Variants in FAT3 observed in about 807,000 individuals in gnomAD.
FAT3 encodes protocadherin Fat 3.
Under a neutral mutation model 310.2 loss-of-function variants are expected in FAT3, and 95 were observed. That is an observed-to-expected ratio of 0.31 (90% confidence interval 0.26 to 0.36). The LOEUF (loss-of-function observed/expected upper bound fraction) is 0.36, where lower values mean the gene tolerates loss of function less well. FAT3 is among the 10% of genes least tolerant of loss of function. The pLI is 1.00. For missense variants in FAT3, 5,408 were observed against 5,715.6 expected, an observed-to-expected ratio of 0.95 and a Z score of 1.74; for synonymous variants, 2,314 against 2,192.9, an observed-to-expected ratio of 1.06 and a Z score of -1.54.
At chr11:92,774,465 A>G (rs1311479314) in intron 7 of FAT3, among the ~76,000 whole-genome samples, 8 of 152,184 alleles carry the variant, frequency 5.3e-5, no homozygotes. Context: ...AATAAAGTCA[A>G]CTTTCCTTGA....
chr11:92,672,620 T>C (rs1943163500), intron 3 of FAT3, among the ~76,000 whole-genome samples: 1 of 152,160 alleles, frequency 6.6e-6, no homozygotes, highest in African/African-American at 2.4e-5. Flanking sequence ...TTTGCCTCTT[T>C]GGGTGATACA....
At chr11:92,881,033 G>A (rs1345339236) in intron 23 of FAT3, 149 bp downstream of exon 23, 4 of 819,976 alleles carry the variant, frequency 4.9e-6, no homozygotes, top group Non-Finnish European at 7.6e-6. Context: ...GTGCTTACAG[G>A]TGACTAAAAT....
intron 1 of FAT3, among the ~76,000 whole-genome samples, chr11:92,291,899 C>G (rs1238017306): frequency 3.3e-5 from 5 of 151,968 alleles, no homozygotes; most frequent in African/African-American, 4.8e-5. Context: ...GGGATTCAGC[C>G]TAGAAGAGAG....
chr11:92,691,423 C>CCT (rs1943795549), intron 3 of FAT3, among the ~76,000 whole-genome samples: 1 of 151,754 alleles, frequency 6.6e-6, no homozygotes, highest in Non-Finnish European at 1.5e-5. Context: ...AAGAAAGAGT[C>CCT]CTCTCTCTCT....
chr11:92,792,622 A>G, intron 8 of FAT3, 145 bp from the exon 9 acceptor site: 2 of 699,614 alleles, frequency 2.9e-6, no homozygotes, highest in Non-Finnish European at 2.4e-6. Flanking sequence ...TGATACTACC[A>G]TTTACTGAGC....
intron 4 of FAT3, among the ~76,000 whole-genome samples, chr11:92,742,193 G>A (rs767833280): frequency 8.5e-5 from 13 of 152,182 alleles, no homozygotes; most frequent in African/African-American, 2.9e-4. Flanking sequence ...AATTGGGGAC[G>A]TGTTAGCATC....
chr11:92,494,643 A>C (rs1428969135), intron 2 of FAT3, among the ~76,000 whole-genome samples: 2 of 152,066 alleles, frequency 1.3e-5, no homozygotes, highest in Non-Finnish European at 2.9e-5. Flanking sequence ...GGAAATTATT[A>C]CAATATTTAG....
chr11:92,877,470 G>T (rs1322518007), intron 22 of FAT3, among the ~76,000 whole-genome samples: 3 of 152,092 alleles, frequency 2.0e-5, no homozygotes, highest in Non-Finnish European at 1.5e-5. Context: ...GCTGTACAGG[G>T]GTTAAAGTAA....
intron 1 of FAT3, among the ~76,000 whole-genome samples, chr11:92,339,370 A>G (rs576214458): frequency 6.6e-6 from 1 of 152,316 alleles, no homozygotes; most frequent in South Asian, 2.1e-4. Context: ...TTGGAGTTTC[A>G]TAAGACATTT....
rs200513675 is a variant in FAT3 at position 92,810,061 on chromosome 11, G to C, written c.9466G>C (p.Val3156Leu). The C allele has an allele frequency of 1.2e-6, 2 of 1,613,662 alleles. No homozygotes were observed. The highest frequency in any genetic ancestry group is 1.7e-6 in the Non-Finnish European group (2 of 1,179,770). The change falls in exon 13 of 28, where the codon GTG (valine) becomes CTG (leucine). Residue 3156 changes from valine (V) to leucine (L), a missense_variant. Transcript: ENST00000525166. ...GGCTCTGTTGACCAGAGTTCAAGCC[G>C]TGGACCCCGACATTGGTAAGTCAGT... ...TKALLTRVQA[V>L]DPDIGINRKV... is the part of the protein sequence containing the mutation.
intron 1 of FAT3, among the ~76,000 whole-genome samples, chr11:92,329,672 CCA>C (rs2134529133): frequency 4.1e-4 from 1 of 2,416 alleles, no homozygotes; most frequent in African/African-American, 1.9e-3. Flanking sequence ...TATCCTTGTC[CCA>C]AATTTTTAAA....
At chr11:92,294,843 A>G (rs1239210156) in intron 1 of FAT3, among the ~76,000 whole-genome samples, 1 of 152,162 alleles carries the variant, frequency 6.6e-6, no homozygotes, top group African/African-American at 2.4e-5. Context: ...TGTTAATTCC[A>G]GGCATGCATT....
At chr11:92,779,110 G>A (rs1946672022) in intron 7 of FAT3, among the ~76,000 whole-genome samples, 1 of 151,992 alleles carries the variant, frequency 6.6e-6, no homozygotes, top group Non-Finnish European at 1.5e-5. Flanking sequence ...AAGAGTTGAG[G>A]AATCACAAGG....
rs529167729 is a variant in FAT3 at position 92,729,832 on chromosome 11, T to TA, written c.3670-32016dup. 4.8e-4 allele frequency among the ~76,000 whole-genome samples: 73 copies of TA among 151,924 alleles called. No individual in the cohort carries two copies. The Middle Eastern group carries it at 0.01, about 21-fold the overall frequency. ...TAAAAAATTACGTTGAAATTTAATTTAAAAAAAACATTTTTAAACATTCAT... is the reference window on the plus strand; with the variant it reads ...TAAAAAATTACGTTGAAATTTAATTTAAAAAAAAACATTTTTAAACATTCAT... On this transcript the variant is annotated intron_variant, in intron 4 of 27. Coordinates refer to ENST00000525166, the MANE Select transcript of FAT3 (RefSeq NM_001367949.2).
intron 22 of FAT3, among the ~76,000 whole-genome samples, chr11:92,876,486 C>T (rs1305536130): frequency 1.3e-5 from 2 of 152,228 alleles, no homozygotes; most frequent in African/African-American, 4.8e-5. Context: ...CTTCTGTAGA[C>T]ATAGCTGGCA....
At chr11:92,540,290 C>G (rs1208236913) in intron 3 of FAT3, among the ~76,000 whole-genome samples, 2 of 152,066 alleles carry the variant, frequency 1.3e-5, no homozygotes, top group East Asian at 3.9e-4. Flanking sequence ...GAAGACTCCT[C>G]CCATAGAGTG....
intron 3 of FAT3, among the ~76,000 whole-genome samples, chr11:92,659,154 GC>G (rs1942684670): frequency 6.6e-6 from 1 of 152,160 alleles, no homozygotes; most frequent in African/African-American, 2.4e-5. Flanking sequence ...GGGAAGGTGG[GC>G]TAGCTCTTCC....
intron 4 of FAT3, among the ~76,000 whole-genome samples, chr11:92,706,645 TAGAA>T (rs2135938127): frequency 6.6e-6 from 1 of 152,370 alleles, no homozygotes; most frequent in African/African-American, 2.4e-5. Context: ...CAACAGTTGA[TAGAA>T]AGGAAGACTT....
chr11:92,228,168 A>G (rs1864001284), intron 1 of FAT3, among the ~76,000 whole-genome samples: 1 of 152,182 alleles, frequency 6.6e-6, no homozygotes, highest in African/African-American at 2.4e-5. Context: ...AGAGATCAGA[A>G]ATCAGTCAGC....
Sources: gnomAD v4.1 joint callset for allele counts (sites outside exome capture counted in the v4.1 genomes callset) on GRCh38, gnomAD v4.1.1 for gene constraint, MANE v1.5 for transcripts, NCBI Gene and HGNC (gene_info 2026-07-23, HGNC 2026-07-21) for gene names.